The following TBXAS1 variants were observed in gnomAD, a reference collection of about 807,000 sequenced individuals.
TBXAS1 encodes the protein thromboxane-A synthase.
TBXAS1 carries 48 observed loss-of-function variants against 60.7 expected under a neutral mutation model. The ratio of observed to expected loss-of-function variants is 0.79; its 90% CI spans 0.63 to 1.01. TBXAS1 has a LOEUF of 1.01. Among genes scored for constraint, TBXAS1 ranks in the 50% least tolerant of loss-of-function variants. The pLI is 0.00. For missense variants in TBXAS1, 685 were observed against 686.3 expected (o/e 1.00, Z 0.02); for synonymous variants, 287 against 269.7 (o/e 1.06, Z -0.63).
intron 10 of TBXAS1, among the ~76,000 whole-genome samples, chr7:140,014,585 GAGAC>G (rs1425227738): frequency 1.3e-5 from 2 of 152,192 alleles, no homozygotes; most frequent in East Asian, 3.9e-4. Context: ...CTGAGAGAGA[GAGAC>G]AGACACACAC....
rs1814796616 is a variant in TBXAS1 at position 140,013,730 on chromosome 7, C to A, written c.1227-1993C>A. 6.6e-6 allele frequency among the ~76,000 whole-genome samples: 1 copy of A among 152,204 alleles called. No individual in the cohort carries two copies. Among genetic ancestry groups the A allele is most frequent in the South Asian group, 2.1e-4 (1 of 4,836 alleles). Reference sequence around the variant, plus strand: ...CTCACAGCACCAGGAGCCCTGAACACCAGCCTGAGGCTCAGCCCTGAAGGC... The same window carrying A: ...CTCACAGCACCAGGAGCCCTGAACAACAGCCTGAGGCTCAGCCCTGAAGGC... On this transcript the variant is annotated intron_variant, in intron 10 of 12. Coordinates refer to ENST00000448866, the MANE Select transcript of TBXAS1 (RefSeq NM_001061.7). This position sits in a 1 kb window ranked among gnomAD's most constrained non-coding sequence, Gnocchi z 4.2.
At chr7:139,888,271 C>T (rs1803270388) in intron 3 of TBXAS1, among the ~76,000 whole-genome samples, 1 of 152,180 alleles carries the variant, frequency 6.6e-6, no homozygotes, top group Non-Finnish European at 1.5e-5. Context: ...GTTCTGCCTT[C>T]AGCCCCCTCC....
intron 9 of TBXAS1, among the ~76,000 whole-genome samples, chr7:139,963,588 T>C (rs1213584158): frequency 6.6e-6 from 1 of 152,168 alleles, no homozygotes; most frequent in African/African-American, 2.4e-5. Context: ...TGTGTATTTG[T>C]TCTTAAATTG....
intron 3 of TBXAS1, among the ~76,000 whole-genome samples, chr7:139,881,170 G>A (rs897878058): frequency 6.6e-6 from 1 of 152,148 alleles, no homozygotes; most frequent in Admixed American, 6.5e-5. Context: ...ATTAAAGAAA[G>A]TAGCCTTTTA....
chr7:139,899,233 ATTTTACAATGTGC>A (rs1300410108), intron 3 of TBXAS1, among the ~76,000 whole-genome samples: 1 of 152,034 alleles, frequency 6.6e-6, no homozygotes, highest in Non-Finnish European at 1.5e-5. Flanking sequence ...TCCCCATACT[ATTTTACAATGTGC>A]TTTTCCATTT....
intron 1 of TBXAS1, among the ~76,000 whole-genome samples, chr7:139,832,647 G>A (rs370781578): frequency 9.2e-5 from 14 of 152,322 alleles, no homozygotes; most frequent in Admixed American, 5.9e-4. Context: ...CTTTGCCTAG[G>A]CACATTGTCA....
intron 12 of TBXAS1, among the ~76,000 whole-genome samples, chr7:140,019,314 C>T (rs565283350): frequency 6.6e-6 from 1 of 152,224 alleles, no homozygotes; most frequent in African/African-American, 2.4e-5. Flanking sequence ...GACGGAGGAG[C>T]AGCCCCACTG....
At chr7:139,967,383 G>T (rs984872007) in intron 9 of TBXAS1, among the ~76,000 whole-genome samples, 4 of 152,234 alleles carry the variant, frequency 2.6e-5, no homozygotes, top group Middle Eastern at 3.2e-3. Context: ...TCCTTGGCTT[G>T]GGAGTAGGGA....
At chr7:140,009,765 C>T (rs2116410809) in intron 10 of TBXAS1, among the ~76,000 whole-genome samples, 1 of 130,342 alleles carries the variant, frequency 7.7e-6, no homozygotes, top group South Asian at 2.8e-4. Context: ...ACCTGCCCCA[C>T]ACCTGCCCCA....
intron 1 of TBXAS1, among the ~76,000 whole-genome samples, chr7:139,866,107 G>A (rs1801399762): frequency 6.6e-6 from 1 of 152,176 alleles, no homozygotes; most frequent in Non-Finnish European, 1.5e-5. Context: ...AGCATTTGGT[G>A]CAAAGGATAT....
At chr7:139,839,747 T>C (rs548658640) in intron 1 of TBXAS1, among the ~76,000 whole-genome samples, 2 of 150,230 alleles carry the variant, frequency 1.3e-5, no homozygotes, top group Non-Finnish European at 3.0e-5. Flanking sequence ...TCTCAGCTAC[T>C]TGGGAGGCTG....
chr7:139,974,705 ACT>A (rs1380943325), intron 9 of TBXAS1, among the ~76,000 whole-genome samples: 1 of 152,092 alleles, frequency 6.6e-6, no homozygotes, highest in East Asian at 1.9e-4. Flanking sequence ...ACATATAGCT[ACT>A]CTCATTCGCC....
intron 9 of TBXAS1, among the ~76,000 whole-genome samples, chr7:139,981,180 T>C (rs1811948886): frequency 6.6e-6 from 1 of 152,160 alleles, no homozygotes; most frequent in African/African-American, 2.4e-5. Context: ...CGATCTCGGC[T>C]CACTGCAACC....
intron 9 of TBXAS1, among the ~76,000 whole-genome samples, chr7:140,000,087 A>T (rs565748653): frequency 6.6e-6 from 1 of 152,356 alleles, no homozygotes; most frequent in South Asian, 2.1e-4. Flanking sequence ...TGATAAATAT[A>T]GAAAAGAGAT....
intron 5 of TBXAS1, 70 bp downstream of exon 5, chr7:139,936,377 G>A: frequency 6.8e-7 from 1 of 1,464,444 alleles, no homozygotes. Context: ...CGTGATGAGA[G>A]CCAGTTCATG....
At chr7:139,799,124 A>G (rs893978635) in intron 4 of TBXAS1, among the ~76,000 whole-genome samples, 1 of 140,252 alleles carries the variant, frequency 7.1e-6, no homozygotes, top group Non-Finnish European at 1.5e-5. Context: ...CCCAGAGTAT[A>G]GTGGTGCAAT....
In TBXAS1 at chr7:139,812,538, G is replaced by A. The variant is rs117236801; in HGVS notation, c.-79-16774G>A. On this transcript the variant is annotated intron_variant, in intron 4 of 16. Coordinates refer to the TBXAS1 transcript ENST00000336425. ...GGAAAAACGTCCTTTGCCTTGGGTC[G>A]TGTTTTGTGGATTATGCCTAATTAA... is the stretch of plus-strand genomic sequence containing the variant. Among the ~76,000 whole-genome samples the A allele has an allele frequency of 9.7e-3, 1,475 of 152,220 alleles. 11 individuals are homozygous for A. The highest frequency in any genetic ancestry group is 0.013 in the Non-Finnish European group (908 of 68,024).
intron 3 of TBXAS1, among the ~76,000 whole-genome samples, chr7:139,889,319 AAAAAAAAAAAAG>A (rs1265565830): frequency 6.9e-6 from 1 of 145,104 alleles, no homozygotes; most frequent in Non-Finnish European, 1.5e-5. Flanking sequence ...AAAAAAAAGG[AAAAAAAAAAAAG>A]AAAAGAAAAT....
intron 8 of TBXAS1, among the ~76,000 whole-genome samples, chr7:139,960,173 C>T (rs1224562937): frequency 6.6e-6 from 1 of 152,202 alleles, no homozygotes; most frequent in African/African-American, 2.4e-5. Context: ...ATAGTCTTAA[C>T]CTTGAGCACT....
Sources: gnomAD v4.1 joint callset for allele counts (sites outside exome capture counted in the v4.1 genomes callset) on GRCh38, gnomAD v4.1.1 for gene constraint, Gnocchi (gnomAD v3.1) non-coding constraint, MANE v1.5 for transcripts, NCBI Gene and HGNC (gene_info 2026-07-23, HGNC 2026-07-21) for gene names.